Variants in BLTP1 observed in about 807,000 individuals in gnomAD.
BLTP1 encodes bridge-like lipid transfer protein family member 1.
the BLTP1 span, chr4:122,209,636 A>G: frequency 2.2e-6 from 1 of 450,890 alleles, no homozygotes. Context: ...CAGAGACCCC[A>G]TCTCAAAAAA....
chr4:122,344,576 A>G, the BLTP1 span: 1 of 1,532,316 alleles, frequency 6.5e-7, no homozygotes, highest in Non-Finnish European at 9.0e-7. Flanking sequence ...TCAATTTTAT[A>G]GTTTTTAAAT....
the BLTP1 span, chr4:122,243,420 G>C: frequency 1.0e-6 from 1 of 985,190 alleles, no homozygotes; most frequent in Non-Finnish European, 1.2e-6. Flanking sequence ...TTTTTGGCCT[G>C]TCTTTGGAAG....
At chr4:122,172,849 T>C in the BLTP1 span, 1 of 815,274 alleles carries the variant, frequency 1.2e-6, no homozygotes, top group Non-Finnish European at 1.5e-6. Flanking sequence ...GCAGGCATAC[T>C]TGAAACATTG....
At chr4:122,355,880 G>A in the BLTP1 span, 1 of 1,612,920 alleles carries the variant, frequency 6.2e-7, no homozygotes, top group Non-Finnish European at 8.5e-7. Context: ...AGTGGATTCA[G>A]AGGAGGTTCT....
the BLTP1 span, among the ~76,000 whole-genome samples, chr4:122,358,731 T>C: frequency 6.6e-6 from 1 of 152,160 alleles, no homozygotes; most frequent in Non-Finnish European, 1.5e-5. Flanking sequence ...TAACACATAT[T>C]ACCTAATTAT....
the BLTP1 span, chr4:122,152,471 AG>A: frequency 1.0e-6 from 1 of 985,692 alleles, no homozygotes; most frequent in Middle Eastern, 5.2e-4. Flanking sequence ...AGAGCTTCGC[AG>A]GCTGCATCCG....
At chr4:122,159,913 A>G in the BLTP1 span, among the ~76,000 whole-genome samples, 3 of 152,242 alleles carry the variant, frequency 2.0e-5, no homozygotes, top group Admixed American at 1.3e-4. Flanking sequence ...ACTAGTTAAC[A>G]GGTGAAATTG....
chr4:122,336,103 T>C, the BLTP1 span: 1 of 1,036,924 alleles, frequency 9.6e-7, no homozygotes, highest in Non-Finnish European at 1.4e-6. Flanking sequence ...GTGAGGTACT[T>C]TGCTTGATTA....
chr4:122,272,508 T>A, the BLTP1 span: 1 of 859,928 alleles, frequency 1.2e-6, no homozygotes, highest in East Asian at 3.2e-5. Flanking sequence ...AATTGGCAAA[T>A]TTTTTTTTTC....
the BLTP1 span, chr4:122,173,367 T>C: frequency 1.3e-5 from 2 of 157,842 alleles, no homozygotes; most frequent in Non-Finnish European, 2.7e-5. Context: ...AGTCTTGAGG[T>C]GGCACAGGGT....
the BLTP1 span, chr4:122,246,154 A>T: frequency 8.5e-5 from 133 of 1,569,666 alleles, 1 homozygote; most frequent in Middle Eastern, 3.4e-4. Context: ...CTTTTTAGTT[A>T]TCTTCCAAAC....
the BLTP1 span, chr4:122,258,666 A>G: frequency 6.3e-7 from 1 of 1,581,560 alleles, no homozygotes; most frequent in Non-Finnish European, 8.6e-7. Context: ...ATGTGTGATA[A>G]TCTATTGCTC....
the BLTP1 span, chr4:122,328,132 T>G: frequency 6.2e-7 from 1 of 1,605,938 alleles, no homozygotes; most frequent in Non-Finnish European, 8.5e-7. Flanking sequence ...CTGGACCTTT[T>G]GTCAGTAACC....
the BLTP1 span, chr4:122,230,244 C>T: frequency 6.3e-6 from 10 of 1,576,568 alleles, no homozygotes; most frequent in Non-Finnish European, 6.9e-6. Context: ...GCAGTAGTCT[C>T]CTGTTCAGAT....
At chr4:122,307,100 G>A in the BLTP1 span, among the ~76,000 whole-genome samples, 80 of 152,082 alleles carry the variant, frequency 5.3e-4, 2 homozygotes, top group East Asian at 0.015. Context: ...TTCAGATTTT[G>A]GATTTTTTCA....
the BLTP1 span, chr4:122,169,651 C>G: frequency 1.0e-6 from 1 of 961,760 alleles, no homozygotes; most frequent in Non-Finnish European, 1.2e-6. Context: ...TCATATTCAT[C>G]CTACTGTGTG....
At chr4:122,332,363 C>T in the BLTP1 span, among the ~76,000 whole-genome samples, 1 of 151,870 alleles carries the variant, frequency 6.6e-6, no homozygotes. Flanking sequence ...TTGATTGAAA[C>T]ATAACCCATA....
the BLTP1 span, chr4:122,279,722 C>T: frequency 6.5e-6 from 10 of 1,534,804 alleles, no homozygotes; most frequent in Middle Eastern, 1.8e-4. Context: ...TTCAAAATTT[C>T]TCTTTACTTG....
the BLTP1 span, chr4:122,251,715 C>G: frequency 1.9e-6 from 1 of 536,874 alleles, no homozygotes. Context: ...GCTAACATTA[C>G]TTTCTTTGGG....
Sources: gnomAD v4.1 joint callset for allele counts (sites outside exome capture counted in the v4.1 genomes callset) on GRCh38, gnomAD v4.1.1 for gene constraint, MANE v1.5 for transcripts, NCBI Gene and HGNC (gene_info 2026-07-23, HGNC 2026-07-21) for gene names.